Variants in SENP1 observed in about 807,000 individuals in gnomAD.
The protein encoded by SENP1 is SUMO specific peptidase 1.
A neutral mutation model predicts 93.0 loss-of-function variants in SENP1; 21 were observed. That is an observed-to-expected ratio of 0.23 (90% CI 0.16 to 0.33). The LOEUF (loss-of-function observed/expected upper bound fraction) is 0.33. SENP1 is among the 10% of genes least tolerant of loss of function. The pLI, the probability that SENP1 is intolerant of heterozygous loss-of-function variation, is 1.00. For synonymous variants in SENP1, 256 were observed against 259.6 expected (o/e 0.99, Z 0.13); for missense variants, 591 against 758.7 (o/e 0.78, Z 2.60).
intron 9 of SENP1, among the ~76,000 whole-genome samples, chr12:48,069,830 T>C (rs1195338108): frequency 6.6e-6 from 1 of 152,136 alleles, no homozygotes; most frequent in South Asian, 2.1e-4. Flanking sequence ...CCAAAAGACT[T>C]AACAAATAGA....
At chr12:48,048,282 A>G (rs757114958) in intron 14 of SENP1, among the ~76,000 whole-genome samples, 29 of 152,354 alleles carry the variant, frequency 1.9e-4, no homozygotes, top group Middle Eastern at 3.4e-3. Flanking sequence ...GATGGCACTC[A>G]TCAACAGGTG....
intron 13 of SENP1, among the ~76,000 whole-genome samples, chr12:48,056,649 A>G (rs1243678327): frequency 1.4e-5 from 1 of 71,214 alleles, no homozygotes. Flanking sequence ...TTACATATAT[A>G]AATATATTAT....
chr12:48,068,975 A>G (rs1448184014), intron 9 of SENP1, among the ~76,000 whole-genome samples: 2 of 151,914 alleles, frequency 1.3e-5, no homozygotes, highest in African/African-American at 4.8e-5. Context: ...CAACATGGTG[A>G]AACCCAATCT....
At chr12:48,089,112 G>C (rs1592445107) in intron 4 of SENP1, 152 bp from the exon 5 acceptor site, 3 of 1,567,602 alleles carry the variant, frequency 1.9e-6, no homozygotes, top group East Asian at 2.3e-5. Context: ...TGCCAGTAAA[G>C]TCTGCAGTAG....
intron 4 of SENP1, among the ~76,000 whole-genome samples, chr12:48,092,958 T>C (rs1390020857): frequency 6.6e-6 from 1 of 152,134 alleles, no homozygotes; most frequent in African/African-American, 2.4e-5. Context: ...TTATTAACAA[T>C]AGCTGAAAAT....
chr12:48,085,259 C>T, intron 5 of SENP1: 1 of 1,553,588 alleles, frequency 6.4e-7, no homozygotes, highest in Non-Finnish European at 8.9e-7. Context: ...TCATCCTCAT[C>T]AACCAGTACA....
intron 8 of SENP1, among the ~76,000 whole-genome samples, chr12:48,071,958 T>C (rs1425727778): frequency 6.6e-6 from 1 of 152,134 alleles, no homozygotes; most frequent in African/African-American, 2.4e-5. Context: ...ACAAACATAT[T>C]TGCCCTTCAG....
chr12:48,069,931 A>C (rs948249867), intron 9 of SENP1, among the ~76,000 whole-genome samples: 4 of 152,234 alleles, frequency 2.6e-5, no homozygotes, highest in African/African-American at 7.2e-5. Context: ...CATTACTCTT[A>C]ATCTTCTCAA....
At chr12:48,085,432 T>TGAGG in intron 5 of SENP1, 1 of 958,836 alleles carries the variant, frequency 1.0e-6, no homozygotes. Flanking sequence ...GGTCTTTGTG[T>TGAGG]GAGGACTCCT....
chr12:48,076,241 C>T (rs986495369), intron 6 of SENP1, among the ~76,000 whole-genome samples: 4 of 152,216 alleles, frequency 2.6e-5, no homozygotes, highest in African/African-American at 7.2e-5. Context: ...CCATCTCGTA[C>T]TGTGATATTT....
chr12:48,048,926 C>T lies in SENP1; in HGVS notation c.1611+3G>A, dbSNP rs749939861. 11 of 1,610,302 alleles carry T rather than the reference C, an allele frequency of 6.8e-6. No individual in the cohort carries two copies. The Admixed American group carries it at 8.4e-5, about 12-fold the overall frequency. On this transcript the variant is annotated splice_donor_region_variant and intron_variant, in intron 14 of 17. Coordinates refer to ENST00000549518, the MANE Select transcript of SENP1 (RefSeq NM_001267594.2). Reference sequence around the variant, plus strand: ...TTTTATCAAAAATGAAAGGGGTACTCACAGCTAGACACCAGTGTACTCCCA... The same window carrying T: ...TTTTATCAAAAATGAAAGGGGTACTTACAGCTAGACACCAGTGTACTCCCA...
intron 13 of SENP1, among the ~76,000 whole-genome samples, chr12:48,053,207 C>T (rs1941952291): frequency 6.6e-6 from 1 of 152,094 alleles, no homozygotes; most frequent in African/African-American, 2.4e-5. Context: ...TGGGTGTGGG[C>T]TCCTGCCTGT....
At position 48,083,780 on chromosome 12, in the gene SENP1, A is replaced by G. The variant is rs758165581; in HGVS notation, c.381-18T>C. 1 of 1,560,848 alleles carries G rather than the reference A, an allele frequency of 6.4e-7. No individual in the cohort carries two copies. The highest frequency in any genetic ancestry group is 8.7e-7 in the Non-Finnish European group (1 of 1,146,318). ...ATAATCCACTAAAAAAAGAGTTTGTAAGAAAGATAAGAACAGATAATAAGT... is the reference window on the plus strand; with the variant it reads ...ATAATCCACTAAAAAAAGAGTTTGTGAGAAAGATAAGAACAGATAATAAGT... On this transcript the variant is annotated intron_variant, in intron 5 of 17. Transcript: ENST00000549518.
intron 9 of SENP1, among the ~76,000 whole-genome samples, chr12:48,070,122 A>G (rs530476067): frequency 3.1e-4 from 47 of 152,210 alleles, no homozygotes; most frequent in Non-Finnish European, 6.0e-4. Flanking sequence ...GTTGAGACCT[A>G]AAAGATAAAA....
intron 6 of SENP1, among the ~76,000 whole-genome samples, chr12:48,083,266 G>A (rs144378032): frequency 3.6e-4 from 55 of 152,226 alleles, no homozygotes; most frequent in African/African-American, 1.3e-3. Flanking sequence ...AGGAGACAAC[G>A]GTTTAGGAAG....
chr12:48,103,398 C>T (rs529557744), intron 1 of SENP1, among the ~76,000 whole-genome samples: 1 of 152,312 alleles, frequency 6.6e-6, no homozygotes, highest in South Asian at 2.1e-4. Flanking sequence ...TTTAACACAA[C>T]CTCAAAGATT....
At chr12:48,079,774 C>T (rs145032517) in intron 6 of SENP1, among the ~76,000 whole-genome samples, 1 of 144,062 alleles carries the variant, frequency 6.9e-6, no homozygotes, top group African/African-American at 2.5e-5. Context: ...ATTTTTAGGA[C>T]ACTAGTAAAC....
intron 13 of SENP1, among the ~76,000 whole-genome samples, chr12:48,054,128 T>C (rs1942037042): frequency 6.6e-6 from 1 of 152,078 alleles, no homozygotes; most frequent in Non-Finnish European, 1.5e-5. Context: ...GTACAAACAT[T>C]TGGGTGCATA....
At chr12:48,048,636 C>T (rs1369267547) in intron 14 of SENP1, among the ~76,000 whole-genome samples, 1 of 152,174 alleles carries the variant, frequency 6.6e-6, no homozygotes, top group Non-Finnish European at 1.5e-5. Context: ...ATCTGAGTGG[C>T]AGCATCATTA....
Sources: allele counts gnomAD v4.1 joint callset (sites outside exome capture counted in the v4.1 genomes callset), GRCh38; gene constraint gnomAD v4.1.1; transcripts MANE v1.5; gene names NCBI Gene and HGNC (gene_info 2026-07-23, HGNC 2026-07-21).